LRP2: variants seen among roughly 807,000 people sequenced by gnomAD.
LRP2 encodes the protein LDL receptor related protein 2, also known as low-density lipoprotein receptor-related protein 2.
A neutral mutation model predicts 531.0 loss-of-function variants in LRP2; 172 were observed. The ratio of observed to expected loss-of-function variants is 0.32; its 90% CI spans 0.29 to 0.37. LRP2 has a LOEUF of 0.37. LRP2 is among the 10% of genes least tolerant of loss of function. The probability of loss-of-function intolerance (pLI) is 1.00; values close to 1 mark genes in which losing one functional copy is unlikely to be tolerated. For synonymous variants in LRP2, 1,992 were observed against 2,027.6 expected (o/e 0.98, Z 0.47); for missense variants, 5,167 against 5,868.3 (o/e 0.88, Z 3.90).
intron 1 of LRP2, among the ~76,000 whole-genome samples, chr2:169,342,618 C>A (rs1685594349): frequency 6.6e-6 from 1 of 152,202 alleles, no homozygotes; most frequent in Non-Finnish European, 1.5e-5. Flanking sequence ...AGACTCAGTT[C>A]AAATGGCAAT....
intron 53 of LRP2, among the ~76,000 whole-genome samples, chr2:169,177,113 TA>T: frequency 6.6e-6 from 1 of 152,342 alleles, no homozygotes; most frequent in East Asian, 1.9e-4. Flanking sequence ...AAAGAAATAC[TA>T]AATTTCTTTA....
chr2:169,309,422 A>G (rs1684527422), intron 3 of LRP2, among the ~76,000 whole-genome samples: 1 of 152,184 alleles, frequency 6.6e-6, no homozygotes, highest in Non-Finnish European at 1.5e-5. Context: ...GAAGGGATCC[A>G]GTTTCAGCTT....
At chr2:169,320,672 G>T in intron 2 of LRP2, 105 bp downstream of exon 2, 2 of 906,550 alleles carry the variant, frequency 2.2e-6, no homozygotes, top group African/African-American at 1.6e-5. Context: ...CCCAGACCTG[G>T]CTCTGTCACT....
At chr2:169,174,989 C>T (rs919555600) in intron 55 of LRP2, among the ~76,000 whole-genome samples, 1 of 147,212 alleles carries the variant, frequency 6.8e-6, no homozygotes, top group African/African-American at 2.5e-5. Context: ...TCTACTTCAA[C>T]CATTTGCCTT....
At chr2:169,190,602 ATCT>A (rs1687796075) in intron 48 of LRP2, among the ~76,000 whole-genome samples, 1 of 152,124 alleles carries the variant, frequency 6.6e-6, no homozygotes, top group African/African-American at 2.4e-5. Context: ...TACTTAGTAT[ATCT>A]TTCCCACTGT....
intron 33 of LRP2, among the ~76,000 whole-genome samples, chr2:169,223,200 C>A (rs1290700356): frequency 1.3e-5 from 2 of 152,154 alleles, no homozygotes; most frequent in African/African-American, 4.8e-5. Flanking sequence ...TTCCTCTGTA[C>A]CACACTGCAT....
At position 169,166,068 on chromosome 2, in the gene LRP2, T is replaced by C. The variant is rs377106777; in HGVS notation, c.11636-14A>G. On this transcript the variant is annotated splice_polypyrimidine_tract_variant and intron_variant, in intron 61 of 78. Transcript: ENST00000649046. ...AGGGAACATCCACTGAAAGGAAAGA[T>C]AGAAAAATGAAATTACAAGTTAACA... The C allele has an allele frequency of 3.1e-6, 5 of 1,613,570 alleles. No homozygotes were observed. The African/African-American group carries it at 6.7e-5, about 22-fold the overall frequency.
In LRP2 at chr2:169,174,086, A is replaced by T. The variant is rs762306251; in HGVS notation, c.10847T>A (p.Phe3616Tyr). 8.2e-5 allele frequency: 133 copies of T among 1,614,040 alleles called. No individual in the cohort carries two copies. Among genetic ancestry groups the T allele is most frequent in the Non-Finnish European group, 1.1e-4 (127 of 1,180,030 alleles). ...ATCTGAGTTATCCTCACAGTCGTTA[A>T]ATGTGTCACACTGCCAGGATTCTGG... The part of the protein sequence containing the change: ...CIPESWQCDT[F>Y]NDCEDNSDED... Residue 3616 changes from phenylalanine (F) to tyrosine (Y), a missense_variant, in exon 56 of 79, where the codon TTT becomes TAT. By Grantham distance (22) the Phe-to-Tyr change is conservative (BLOSUM62 3). Around this residue, in one of 6 missense-constraint regions of LRP2, gnomAD observed 311 missense variants for 309.4 expected, o/e 1.01. Coordinates refer to ENST00000649046, the MANE Select transcript of LRP2 (RefSeq NM_004525.3).
At position 169,259,231 on chromosome 2, in the gene LRP2, T is replaced by C. The variant is rs756032713; in HGVS notation, c.2321-14A>G. The C allele has an allele frequency of 1.3e-6, 2 of 1,597,550 alleles. No homozygotes were observed. Among genetic ancestry groups the C allele is most frequent in the South Asian group, 1.1e-5 (1 of 90,666 alleles). On this transcript the variant is annotated splice_polypyrimidine_tract_variant and intron_variant, in intron 16 of 78. Transcript: ENST00000649046. ...GAATTTCTCTTCCTATAAGTTAAAA[T>C]ATGGACATATTTTAAGCTAAGTATA...
At chr2:169,145,671 T>G in intron 70 of LRP2, 76 bp downstream of exon 70, 1 of 1,421,310 alleles carries the variant, frequency 7.0e-7, no homozygotes. Context: ...ACTGCCATCT[T>G]CCAGCAATAT....
At chr2:169,332,480 T>G (rs1241438539) in intron 1 of LRP2, among the ~76,000 whole-genome samples, 1 of 152,108 alleles carries the variant, frequency 6.6e-6, no homozygotes, top group African/African-American at 2.4e-5. Context: ...GACACTAAAT[T>G]TCATGAGACC....
At chr2:169,264,106 C>T (rs546138342) in intron 16 of LRP2, among the ~76,000 whole-genome samples, 165 of 151,654 alleles carry the variant, frequency 1.1e-3, no homozygotes, top group African/African-American at 3.8e-3. Context: ...TGGGGTGGCG[C>T]GGGAGGAGGG....
intron 1 of LRP2, among the ~76,000 whole-genome samples, chr2:169,360,687 C>G (rs909754073): frequency 6.6e-6 from 1 of 152,056 alleles, no homozygotes; most frequent in Non-Finnish European, 1.5e-5. Flanking sequence ...AATAATAAAC[C>G]CTCTTTCTGC....
chr2:169,307,914 G>C (rs1048171134), intron 3 of LRP2, among the ~76,000 whole-genome samples: 11 of 152,086 alleles, frequency 7.2e-5, no homozygotes, highest in Non-Finnish European at 1.3e-4. Flanking sequence ...AAGCTAGCTT[G>C]ATTTCATCCC....
intron 64 of LRP2, among the ~76,000 whole-genome samples, chr2:169,157,010 G>A (rs1363887676): frequency 2.0e-5 from 3 of 152,140 alleles, no homozygotes; most frequent in Admixed American, 6.6e-5. Context: ...TAATAAATAC[G>A]TGTTGGTTGT....
At chr2:169,355,743 G>A (rs957355601) in intron 1 of LRP2, among the ~76,000 whole-genome samples, 4 of 152,048 alleles carry the variant, frequency 2.6e-5, no homozygotes, top group Admixed American at 1.3e-4. Flanking sequence ...GCCAGGAGAC[G>A]GAAAAAAGAC....
At chr2:169,181,128 TA>T (rs201261105) in intron 52 of LRP2, among the ~76,000 whole-genome samples, 1,874 of 152,070 alleles carry the variant, frequency 0.012, 17 homozygotes, top group Non-Finnish European at 0.018. Flanking sequence ...ATTAAAGAGA[TA>T]AAAAAAATTA....
chr2:169,261,862 C>T (rs377444420), intron 16 of LRP2, among the ~76,000 whole-genome samples: 13 of 151,778 alleles, frequency 8.6e-5, no homozygotes, highest in Non-Finnish European at 1.3e-4. Flanking sequence ...ACTGGCAAAC[C>T]GAATCCAGCA....
chr2:169,174,106 T>C lies in LRP2; in HGVS notation c.10827A>G (p.Glu3609=). ...CGTTAAATGTGTCACACTGCCAGGA[T>C]TCTGGGATGCAACGTTTGTTGGCGC... ...WQCANKRCIP[E]SWQCDTFNDC... Residue 3609 remains glutamate, a synonymous_variant, in exon 56 of 79, where the codon GAA becomes GAG. Transcript: ENST00000649046. The C allele has an allele frequency of 6.2e-7, 1 of 1,614,214 alleles. No individual in the cohort carries two copies. Among genetic ancestry groups the C allele is most frequent in the African/African-American group, 1.3e-5 (1 of 75,066 alleles).
Sources: gnomAD v4.1 joint callset for allele counts (sites outside exome capture counted in the v4.1 genomes callset) on GRCh38, gnomAD v4.1.1 for gene constraint, gnomAD v4.1.1 regional missense constraint, MANE v1.5 for transcripts, NCBI Gene and HGNC (gene_info 2026-07-23, HGNC 2026-07-21) for gene names.